THEMIS: variants seen among roughly 807,000 people sequenced by gnomAD.
THEMIS encodes the protein thymocyte selection associated, also known as protein THEMIS.
A neutral mutation model predicts 52.6 loss-of-function variants in THEMIS; 37 were observed. That is an observed-to-expected ratio of 0.70 (90% CI 0.54 to 0.93). The LOEUF is 0.93. Among genes scored for constraint, THEMIS ranks in the 40% least tolerant of loss-of-function variants. The pLI, the probability that THEMIS is intolerant of heterozygous loss-of-function variation, is 0.00. For synonymous variants in THEMIS, 292 were observed against 272.7 expected, an observed-to-expected ratio of 1.07 and a Z score of -0.70; for missense variants, 808 against 763.1, an observed-to-expected ratio of 1.06 and a Z score of -0.69.
chr6:127,905,209 C>T (rs547339553), upstream of THEMIS, among the ~76,000 whole-genome samples: 4 of 152,018 alleles, frequency 2.6e-5, no homozygotes, highest in South Asian at 2.1e-4. Flanking sequence ...CATACTAAAA[C>T]GTTAAAAAGC....
chr6:127,889,371 C>T (rs765781524), intron 1 of THEMIS, among the ~76,000 whole-genome samples: 1 of 152,090 alleles, frequency 6.6e-6, no homozygotes, highest in Non-Finnish European at 1.5e-5. Flanking sequence ...TGGTTATAAA[C>T]TGCTCACTTA....
chr6:127,761,434 T>A (rs950922345), intron 4 of THEMIS, among the ~76,000 whole-genome samples: 4 of 152,128 alleles, frequency 2.6e-5, no homozygotes, highest in African/African-American at 9.7e-5. Context: ...GCTAGGGACT[T>A]CCCTGGGACT....
At chr6:127,828,706 GCACTTTGGGAGGTGACGTGGGCCGAT>G (rs1778591847) in intron 3 of THEMIS, among the ~76,000 whole-genome samples, 2 of 152,160 alleles carry the variant, frequency 1.3e-5, no homozygotes, top group South Asian at 4.1e-4. Flanking sequence ...TGTAATCCCA[GCACTTTGGGAGGTGACGTGGGCCGAT>G]CACGAGGTCA....
intron 4 of THEMIS, among the ~76,000 whole-genome samples, chr6:127,791,992 G>A (rs972248811): frequency 1.3e-5 from 2 of 152,208 alleles, no homozygotes; most frequent in Admixed American, 6.5e-5. Context: ...GTGCAGTGAT[G>A]CCTGAGTCCA....
intron 5 of THEMIS, among the ~76,000 whole-genome samples, chr6:127,713,502 A>AT (rs1774054006): frequency 6.6e-6 from 1 of 151,906 alleles, no homozygotes; most frequent in Non-Finnish European, 1.5e-5. Context: ...CCCTGCCTTC[A>AT]TAGTGACCTT....
intron 3 of THEMIS, among the ~76,000 whole-genome samples, chr6:127,823,294 A>G (rs1778401866): frequency 6.6e-6 from 1 of 152,162 alleles, no homozygotes; most frequent in Non-Finnish European, 1.5e-5. Flanking sequence ...TGCGAAAAGC[A>G]TCACTAACAA....
Position 127,760,443 on chromosome 6 carries a change from T to G in THEMIS, c.1759-40620A>C, listed in dbSNP as rs370132251. ...CTTCCATTGAAATTTTGATAGGTAT[T>G]ACATTAAATCTGTATTTCATTTTGG... On this transcript the variant is annotated intron_variant, in intron 4 of 5. Transcript: ENST00000368248. Among the ~76,000 whole-genome samples, 22 of 152,296 alleles carry G rather than the reference T, an allele frequency of 1.4e-4. No individual in the cohort carries two copies. In the East Asian group the frequency reaches 3.5e-3, roughly 24 times the overall value.
chr6:127,735,168 G>C (rs1445301347), intron 4 of THEMIS, among the ~76,000 whole-genome samples: 2 of 151,874 alleles, frequency 1.3e-5, no homozygotes, highest in African/African-American at 4.8e-5. Context: ...CTATAGTTTA[G>C]ACATTATTGC....
At chr6:127,853,855 G>A (rs1225346248) in intron 2 of THEMIS, among the ~76,000 whole-genome samples, 1 of 151,674 alleles carries the variant, frequency 6.6e-6, no homozygotes, top group South Asian at 2.1e-4. Context: ...ACTTGTCAAA[G>A]TTATTCAGCT....
chr6:127,700,976 G>A, the THEMIS span, among the ~76,000 whole-genome samples: 3 of 152,158 alleles, frequency 2.0e-5, no homozygotes, highest in African/African-American at 7.2e-5. Context: ...CCCAGGATAA[G>A]TACTATTTTC....
intron 2 of THEMIS, among the ~76,000 whole-genome samples, chr6:127,832,052 C>T (rs988174223): frequency 2.6e-5 from 4 of 152,008 alleles, no homozygotes; most frequent in African/African-American, 4.8e-5. Context: ...AAAATGCGTA[C>T]CTAAAATCTC....
At chr6:127,844,680 C>A (rs1369777823) in intron 2 of THEMIS, among the ~76,000 whole-genome samples, 1 of 151,862 alleles carries the variant, frequency 6.6e-6, no homozygotes, top group Non-Finnish European at 1.5e-5. Context: ...TATTCATGCT[C>A]CATAACACTC....
At chr6:127,885,762 A>G (rs1039853023) in intron 1 of THEMIS, among the ~76,000 whole-genome samples, 1 of 152,172 alleles carries the variant, frequency 6.6e-6, no homozygotes, top group Non-Finnish European at 1.5e-5. Flanking sequence ...GTTACAAGAA[A>G]CACTTTTGAG....
chr6:127,904,537 T>C (rs1781220857), upstream of THEMIS, among the ~76,000 whole-genome samples: 1 of 152,096 alleles, frequency 6.6e-6, no homozygotes. Flanking sequence ...TGCTGCCAGA[T>C]AGAAGCAAAT....
At chr6:127,853,119 T>C (rs1779487670) in intron 2 of THEMIS, among the ~76,000 whole-genome samples, 1 of 151,666 alleles carries the variant, frequency 6.6e-6, no homozygotes, top group South Asian at 2.1e-4. Flanking sequence ...ATTATTGTAA[T>C]AAATAAGATT....
intron 4 of THEMIS, among the ~76,000 whole-genome samples, chr6:127,724,225 C>T (rs1175948564): frequency 1.3e-5 from 2 of 152,202 alleles, no homozygotes; most frequent in East Asian, 3.9e-4. Context: ...TAAATAAACT[C>T]ATTACAGAAA....
intron 1 of THEMIS, among the ~76,000 whole-genome samples, chr6:127,867,200 A>G (rs943287218): frequency 5.3e-5 from 8 of 152,038 alleles, no homozygotes; most frequent in African/African-American, 2.4e-5. Flanking sequence ...TCTCTATAAT[A>G]TCAACTGATA....
chr6:127,773,551 T>C (rs1339886520), intron 4 of THEMIS, among the ~76,000 whole-genome samples: 1 of 152,228 alleles, frequency 6.6e-6, no homozygotes, highest in Non-Finnish European at 1.5e-5. Context: ...AAATATATTT[T>C]CATGACAACA....
chr6:127,835,470 A>G lies in THEMIS; in HGVS notation c.251-5536T>C, dbSNP rs75046825. On this transcript the variant is annotated intron_variant, in intron 2 of 5. Transcript: ENST00000368248. ...ATTATATCATCTACCACATAAAGTC[A>G]TTGTGGTGATTAAATAAGCTAATAC... is the stretch of plus-strand genomic sequence containing the variant. Among the ~76,000 whole-genome samples, 811 of 152,298 alleles carry G rather than the reference A, an allele frequency of 5.3e-3. 4 individuals are homozygous for G. The highest frequency in any genetic ancestry group is 9.1e-3 in the Non-Finnish European group (622 of 68,020).
Sources: gnomAD v4.1 joint callset for allele counts (sites outside exome capture counted in the v4.1 genomes callset) on GRCh38, gnomAD v4.1.1 for gene constraint, MANE v1.5 for transcripts, NCBI Gene and HGNC (gene_info 2026-07-23, HGNC 2026-07-21) for gene names.